Variants in ZNF705G observed in about 807,000 individuals in gnomAD.
ZNF705G encodes putative zinc finger protein 705G.
A neutral mutation model predicts 19.6 loss-of-function variants in ZNF705G; 23 were observed. That is an observed-to-expected ratio of 1.17 (90% CI 0.84 to 1.66). The LOEUF (loss-of-function observed/expected upper bound fraction) is 1.66, where lower values mean the gene tolerates loss of function less well. Among genes scored for constraint, ZNF705G ranks in the 40% most tolerant of loss-of-function variants. ZNF705G has a pLI of 0.00. For missense variants in ZNF705G, 457 were observed against 354.4 expected, an observed-to-expected ratio of 1.29 and a Z score of -2.32; for synonymous variants, 146 against 117.7, an observed-to-expected ratio of 1.24 and a Z score of -1.56.
chr8:7,367,903 G>C (rs1174496438), intron 2 of ZNF705G, among the ~76,000 whole-genome samples: 1 of 149,622 alleles, frequency 6.7e-6, no homozygotes, highest in Non-Finnish European at 1.5e-5. Flanking sequence ...CATTGTAAGG[G>C]AATGAGGCCA....
rs1353277768 is a variant in ZNF705G, at chr8:7,367,239, C to T, written c.-71-4222G>A. 1.0e-4 allele frequency among the ~76,000 whole-genome samples: 15 copies of T among 149,256 alleles called. 1 individual carries two copies. Among genetic ancestry groups the T allele is most frequent in the African/African-American group, 3.9e-4 (15 of 38,708 alleles). ...TACAGGTAGAAGAGCATGAGCAGGG[C>T]AGGAGAGGGCTCTTCCCCTACCCAC... On this transcript the variant is annotated intron_variant, in intron 2 of 6. Transcript: ENST00000400156.
At position 7,368,815 on chromosome 8, in the gene ZNF705G, C is replaced by A. The variant is rs146006946; in HGVS notation, c.-71-5798G>T. 3.7e-3 allele frequency among the ~76,000 whole-genome samples: 560 copies of A among 149,530 alleles called. 9 individuals are homozygous for A. The highest frequency in any genetic ancestry group is 9.4e-3 in the Admixed American group (143 of 15,242). On this transcript the variant is annotated intron_variant, in intron 2 of 6. Coordinates refer to ENST00000400156, the MANE Select transcript of ZNF705G (RefSeq NM_001164457.3). ...TCAGCCACTCCAGCTCCAGCCATGG[C>A]TAAAAGGGCCCCAGACATTGTTTGG...
intron 1 of ZNF705G, among the ~76,000 whole-genome samples, chr8:7,384,113 A>C (rs1807626506): frequency 2.1e-5 from 1 of 48,334 alleles, no homozygotes; most frequent in South Asian, 9.6e-4. Flanking sequence ...AAATAGAGAC[A>C]ATTTTTTTTT....
In ZNF705G at chr8:7,370,270, C is replaced by CA. The variant is rs59555789; in HGVS notation, c.-71-7254dup. Among the ~76,000 whole-genome samples, 167 of 138,880 alleles carry CA rather than the reference C, an allele frequency of 1.2e-3. 1 individual carries two copies. Among genetic ancestry groups the CA allele is most frequent in the Non-Finnish European group, 1.7e-3 (112 of 66,138 alleles). The allele number at this position is 138,880 out of a possible 152,430, so 91.1% of individuals were successfully genotyped here. On this transcript the variant is annotated intron_variant, in intron 2 of 6. Coordinates refer to ENST00000400156, the MANE Select transcript of ZNF705G (RefSeq NM_001164457.3). ...TGTGTGACACACCGAGACTCCATCT[C>CA]AAAAAAAAAAAAATATGCAAAGATC...
At position 7,375,160 on chromosome 8, in the gene ZNF705G, C is replaced by T. The variant is rs1165913368; in HGVS notation, c.-72+6292G>A. On this transcript the variant is annotated intron_variant, in intron 2 of 6. Transcript: ENST00000400156. ...CAGGTAGGGTGTGCCCAAAGAGTAG[C>T]TTTTCAGACTTTACTCCCTCTCCCT... Among the ~76,000 whole-genome samples the T allele has an allele frequency of 8.6e-5, 8 of 92,640 alleles. 2 individuals carry two copies. The highest frequency in any genetic ancestry group is 4.1e-4 in the African/African-American group (8 of 19,730). The allele number at this position is 92,640 out of a possible 152,430, so 60.8% of individuals were successfully genotyped here. A position where few individuals can be genotyped will look rare whatever the true frequency, so the allele number is the denominator to read the frequency against.
chr8:7,357,673 A>G lies in ZNF705G; in HGVS notation c.*303T>C. 1 of 506,620 alleles carries G rather than the reference A, an allele frequency of 2.0e-6. No homozygotes were observed. Among genetic ancestry groups the G allele is most frequent in the Non-Finnish European group, 3.4e-6 (1 of 292,096 alleles). The allele number at this position is 506,620 out of a possible 1,614,324, so 31.4% of individuals were successfully genotyped here. On this transcript the variant is annotated 3_prime_UTR_variant, in exon 7 of 7. Transcript: ENST00000400156. ...TACAATTTCTCTTCCATATGAATTT[A>G]TTGATGTGGACTGAAGAATAAAGGT...
Position 7,362,007 on chromosome 8 carries a change from C to A in ZNF705G, c.13-771G>T, listed in dbSNP as rs151142341. Among the ~76,000 whole-genome samples the A allele has an allele frequency of 1.1e-3, 168 of 149,730 alleles. 2 individuals carry two copies. The East Asian group carries it at 0.027, about 24-fold the overall frequency. On this transcript the variant is annotated intron_variant, in intron 3 of 6. Transcript: ENST00000400156. ...TGAGGAAATCTTAGTCCGATGATTC[C>A]TGTGATATGAAGCTTTCTGTTCTCA...
At position 7,358,217 on chromosome 8, in the gene ZNF705G, G is replaced by C. The variant is rs1311521354; in HGVS notation, c.662C>G (p.Thr221Ser). ...QCSHLRRHEK[T>S]HTGQRPYKCH... is the part of the protein sequence containing the mutation. ...CTTATATGGTCTCTGTCCCGTGTGA[G>C]TTTTCTCGTGTCTTCTAAGGTGAGA... The change falls in exon 7 of 7, where the codon ACT (threonine) becomes AGT (serine). Residue 221 changes from threonine (T) to serine (S), a missense_variant. Coordinates refer to ENST00000400156, the MANE Select transcript of ZNF705G (RefSeq NM_001164457.3). 7 of 1,607,440 alleles carry C rather than the reference G, an allele frequency of 4.4e-6. No homozygotes were observed. In the Admixed American group the frequency reaches 1.2e-4, roughly 27 times the overall value.
chr8:7,366,469 A>T (rs552481347), intron 2 of ZNF705G, among the ~76,000 whole-genome samples: 14 of 149,854 alleles, frequency 9.3e-5, no homozygotes, highest in South Asian at 6.3e-4. Flanking sequence ...ACAATAAAAT[A>T]AAATTAAATT....
chr8:7,380,793 G>A (rs1224515575), intron 2 of ZNF705G, among the ~76,000 whole-genome samples: 1 of 145,642 alleles, frequency 6.9e-6, no homozygotes, highest in Non-Finnish European at 1.5e-5. Flanking sequence ...GCTGAGGGGG[G>A]CAGATCACCC....
rs1219076961 is a variant in ZNF705G at position 7,380,709 on chromosome 8, C to T, written c.-72+743G>A. 4.8e-5 allele frequency among the ~76,000 whole-genome samples: 7 copies of T among 146,350 alleles called. 1 individual carries two copies. Among genetic ancestry groups the T allele is most frequent in the African/African-American group, 1.4e-4 (5 of 36,088 alleles). ...GGGTCTTGAGGGCATGCCTATCTAC[C>T]GAGCTCACCACTGTCACTGCTGGCA... On this transcript the variant is annotated intron_variant, in intron 2 of 6. Transcript: ENST00000400156.
chr8:7,385,551 A>G lies in ZNF705G; in HGVS notation c.-275T>C, dbSNP rs1807687151. The G allele has an allele frequency of 6.8e-6, 1 of 147,396 alleles. No individual in the cohort carries two copies. The highest frequency in any genetic ancestry group is 2.7e-5 in the African/African-American group (1 of 37,320). The allele number at this position is 147,396 out of a possible 1,614,324, so 9.1% of individuals were successfully genotyped here. ...GGCTGTGTGCTGTATGTCCCTTGGG[A>G]CAAGGACACCTGAAAGCAGCTCCAG... is the stretch of plus-strand genomic sequence containing the variant. On this transcript the variant is annotated 5_prime_UTR_variant, in exon 1 of 7. Coordinates refer to ENST00000400156, the MANE Select transcript of ZNF705G (RefSeq NM_001164457.3).
intron 2 of ZNF705G, among the ~76,000 whole-genome samples, chr8:7,370,252 C>T (rs1357325112): frequency 2.2e-5 from 3 of 138,776 alleles, no homozygotes; most frequent in Non-Finnish European, 4.5e-5. Context: ...GCCTGTGTGA[C>T]ACACCGAGAC....
chr8:7,363,137 C>A (rs1806685111), intron 2 of ZNF705G, 120 bp from the exon 3 acceptor site: 1 of 1,244,100 alleles, frequency 8.0e-7, no homozygotes, highest in Non-Finnish European at 1.1e-6. Context: ...GCCTAACCAA[C>A]AGACACAAAC....
chr8:7,365,281 CTT>C lies in ZNF705G; in HGVS notation c.-71-2266_-71-2265del, dbSNP rs760046383. ...TCGTGGAAAAAAATGTATTGACAAA[CTT>C]TTCACCAGAGCAGAAATAACAACTT... On this transcript the variant is annotated intron_variant, in intron 2 of 6. Transcript: ENST00000400156. Among the ~76,000 whole-genome samples, 3 of 149,316 alleles carry C rather than the reference CTT, an allele frequency of 2.0e-5. No individual in the cohort carries two copies. In the East Asian group the frequency reaches 5.8e-4, roughly 29 times the overall value.
intron 1 of ZNF705G, 74 bp from the exon 2 acceptor site, chr8:7,381,675 T>C (rs1807503700): frequency 6.7e-6 from 1 of 148,600 alleles, no homozygotes; most frequent in Non-Finnish European, 1.5e-5. Flanking sequence ...TTCTCACTTA[T>C]AAATAAGAGC....
chr8:7,375,083 C>T lies in ZNF705G; in HGVS notation c.-72+6369G>A, dbSNP rs1177096191. Among the ~76,000 whole-genome samples the T allele has an allele frequency of 2.1e-5, 2 of 94,520 alleles. 1 individual carries two copies. The highest frequency in any genetic ancestry group is 4.2e-5 in the Non-Finnish European group (2 of 48,104). The allele number at this position is 94,520 out of a possible 152,430, so 62.0% of individuals were successfully genotyped here. Reference sequence around the variant, plus strand: ...AGGGAGTGCATGTGCAGATTTGTTACATGGGTATATTGTGTGATATTGAGG... The same window carrying T: ...AGGGAGTGCATGTGCAGATTTGTTATATGGGTATATTGTGTGATATTGAGG... On this transcript the variant is annotated intron_variant, in intron 2 of 6. Transcript: ENST00000400156.
intron 1 of ZNF705G, among the ~76,000 whole-genome samples, chr8:7,383,087 G>A (rs1411014682): frequency 2.0e-5 from 3 of 147,250 alleles, no homozygotes; most frequent in Middle Eastern, 7.0e-3. Context: ...TTCTGTAAAT[G>A]GAAATTACAT....
At chr8:7,365,513 G>A (rs1423050770) in intron 2 of ZNF705G, among the ~76,000 whole-genome samples, 2 of 148,790 alleles carry the variant, frequency 1.3e-5, no homozygotes, top group African/African-American at 2.6e-5. Flanking sequence ...TGAGTAGCTG[G>A]GATGACAGGC....
Sources: allele counts gnomAD v4.1 joint callset (sites outside exome capture counted in the v4.1 genomes callset), GRCh38; gene constraint gnomAD v4.1.1; transcripts MANE v1.5; gene names NCBI Gene and HGNC (gene_info 2026-07-23, HGNC 2026-07-21).